MSRB3: variants seen among roughly 807,000 people sequenced by gnomAD.
MSRB3 encodes methionine sulfoxide reductase B3.
Under a neutral mutation model 21.0 loss-of-function variants are expected in MSRB3, and 13 were observed. The observed-to-expected ratio is 0.62, with a 90% CI of 0.40 to 0.98. The LOEUF is 0.98. MSRB3 is among the 50% of genes least tolerant of loss of function. The pLI, the probability that MSRB3 is intolerant of heterozygous loss-of-function variation, is 0.00. For missense variants in MSRB3, 199 were observed against 230.3 expected, an observed-to-expected ratio of 0.86 and a Z score of 0.88; for synonymous variants, 87 against 88.6, an observed-to-expected ratio of 0.98 and a Z score of 0.10.
intron 4 of MSRB3, among the ~76,000 whole-genome samples, chr12:65,356,112 G>A (rs1024745184): frequency 9.2e-5 from 14 of 151,742 alleles, no homozygotes; most frequent in African/African-American, 3.4e-4. Context: ...TATTAGTTTT[G>A]CTTGGGGGCT....
intron 5 of MSRB3, among the ~76,000 whole-genome samples, chr12:65,447,605 C>G (rs1312712853): frequency 1.3e-5 from 2 of 152,058 alleles, no homozygotes; most frequent in Non-Finnish European, 2.9e-5. Flanking sequence ...TGGATATAGA[C>G]ATGTGTAGAA....
intron 1 of MSRB3, chr12:65,306,734 C>A: frequency 1.5e-6 from 1 of 647,590 alleles, no homozygotes; most frequent in Non-Finnish European, 1.9e-6. Context: ...GGAGCCCTGG[C>A]TATTTGGGTA....
At chr12:65,429,442 A>G (rs1353662639) in intron 5 of MSRB3, among the ~76,000 whole-genome samples, 1 of 152,164 alleles carries the variant, frequency 6.6e-6, no homozygotes, top group African/African-American at 2.4e-5. Flanking sequence ...TGGTTGAAGC[A>G]CAAGGGGAAG....
intron 1 of MSRB3, among the ~76,000 whole-genome samples, chr12:65,308,052 A>G (rs1873760630): frequency 6.6e-6 from 1 of 152,196 alleles, no homozygotes; most frequent in Non-Finnish European, 1.5e-5. Context: ...TGCAGTCAGT[A>G]TAGCAGGGTT....
intron 1 of MSRB3, chr12:65,279,416 CG>C (rs1871874941): frequency 6.6e-6 from 1 of 152,100 alleles, no homozygotes; most frequent in Admixed American, 6.5e-5. Context: ...GCGCACCCGC[CG>C]CCCGCCCTCC....
intron 2 of MSRB3, among the ~76,000 whole-genome samples, chr12:65,324,886 G>A (rs781606965): frequency 2.0e-5 from 3 of 152,118 alleles, no homozygotes; most frequent in Non-Finnish European, 4.4e-5. Context: ...AACACAATTG[G>A]TCTTTTTGTA....
At position 65,465,710 on chromosome 12, in the gene MSRB3, C is replaced by T. The variant is rs1883538543; in HGVS notation, c.*2388C>T. The T allele has an allele frequency of 6.6e-6, 1 of 152,166 alleles. No individual in the cohort carries two copies. The highest frequency in any genetic ancestry group is 2.1e-4 in the South Asian group (1 of 4,826). The allele number at this position is 152,166 out of a possible 1,614,324, so 9.4% of individuals were successfully genotyped here. ...GTTCCAAGACATTTCACCCCAGGCC[C>T]TGGGTTCACTCTGGAATTCGTAGGC... is the stretch of plus-strand genomic sequence containing the variant. On this transcript the variant is annotated 3_prime_UTR_variant, in exon 7 of 7. Coordinates refer to ENST00000308259, the MANE Select transcript of MSRB3 (RefSeq NM_001031679.3).
chr12:65,320,850 A>G (rs1874616663), intron 2 of MSRB3, among the ~76,000 whole-genome samples: 1 of 152,020 alleles, frequency 6.6e-6, no homozygotes, highest in South Asian at 2.1e-4. Flanking sequence ...TTGCTTATCT[A>G]TTCATATTCA....
At chr12:65,457,292 A>G (rs1467723129) in intron 6 of MSRB3, among the ~76,000 whole-genome samples, 1 of 152,092 alleles carries the variant, frequency 6.6e-6, no homozygotes, top group Non-Finnish European at 1.5e-5. Context: ...ACATAGGTAT[A>G]CACGTGCCAT....
At chr12:65,451,669 C>T (rs142674365) in intron 5 of MSRB3, among the ~76,000 whole-genome samples, 24 of 152,248 alleles carry the variant, frequency 1.6e-4, no homozygotes, top group Middle Eastern at 3.4e-3. Context: ...AAACCTCTCC[C>T]CCACATAAAG....
chr12:65,316,608 A>G (rs1874316186), intron 2 of MSRB3, among the ~76,000 whole-genome samples: 1 of 152,190 alleles, frequency 6.6e-6, no homozygotes, highest in South Asian at 2.1e-4. Context: ...ACATCATCTT[A>G]TATATCAAAA....
intron 5 of MSRB3, among the ~76,000 whole-genome samples, chr12:65,375,289 C>T (rs936985732): frequency 3.3e-5 from 5 of 152,050 alleles, no homozygotes; most frequent in Admixed American, 6.6e-5. Context: ...GTCTCTCTTT[C>T]GAATAATTTT....
rs1044868471 is a variant in MSRB3 at position 65,466,412 on chromosome 12, G to A, written c.*3090G>A. On this transcript the variant is annotated 3_prime_UTR_variant, in exon 7 of 7. Coordinates refer to ENST00000308259, the MANE Select transcript of MSRB3 (RefSeq NM_001031679.3). ...GAGTGCAATGAACTGAGTCAATATG[G>A]CAAGGTGTATGTGATCTGTGGGAGT... is the stretch of plus-strand genomic sequence containing the variant. The A allele has an allele frequency of 1.3e-5, 2 of 152,164 alleles. No homozygotes were observed. The highest frequency in any genetic ancestry group is 4.8e-5 in the African/African-American group (2 of 41,428). The allele number at this position is 152,164 out of a possible 1,614,324, so 9.4% of individuals were successfully genotyped here.
chr12:65,418,789 G>A, intron 5 of MSRB3: 1 of 963,384 alleles, frequency 1.0e-6, no homozygotes, highest in Non-Finnish European at 1.7e-6. Context: ...CTGGCGGGTG[G>A]TGGTCTTTTG....
At chr12:65,366,627 C>A (rs1314678263) in intron 4 of MSRB3, among the ~76,000 whole-genome samples, 1 of 152,098 alleles carries the variant, frequency 6.6e-6, no homozygotes, top group Non-Finnish European at 1.5e-5. Context: ...ATCTTGATGA[C>A]TAATTAGATA....
At chr12:65,285,377 C>T (rs1417020229) in intron 1 of MSRB3, 1 of 152,058 alleles carries the variant, frequency 6.6e-6, no homozygotes, top group African/African-American at 2.4e-5. Context: ...ATTGGGTTAC[C>T]CAGCTGTGCT....
In MSRB3 at chr12:65,332,631, A is replaced by G. The variant is rs577116773; in HGVS notation, c.263+4028A>G. On this transcript the variant is annotated intron_variant, in intron 4 of 6. Transcript: ENST00000308259. ...GCACATGTACCCCAGAACTTAAAGT[A>G]TAATAAAAAAAAGAAAAGATCATTT... is the stretch of plus-strand genomic sequence containing the variant. 3.7e-3 allele frequency among the ~76,000 whole-genome samples: 557 copies of G among 152,312 alleles called. 2 individuals are homozygous for G. Among genetic ancestry groups the G allele is most frequent in the African/African-American group, 0.013 (531 of 41,556 alleles).
intron 4 of MSRB3, among the ~76,000 whole-genome samples, chr12:65,342,862 A>G (rs1363760450): frequency 6.6e-6 from 1 of 152,084 alleles, no homozygotes; most frequent in Non-Finnish European, 1.5e-5. Flanking sequence ...ATATGATCCC[A>G]TATCTATGAA....
rs1281566137 is a variant in MSRB3, at chr12:65,428,351, T to C, written c.293-25377T>C. ...CACTGTATTGTTGCAAAATCTTAAA[T>C]AGGATCTTGGGGACTCTCTGGGGTT... On this transcript the variant is annotated intron_variant, in intron 5 of 6. Transcript: ENST00000308259. Among the ~76,000 whole-genome samples the C allele has an allele frequency of 2.0e-5, 3 of 152,128 alleles. No individual in the cohort carries two copies. The East Asian group carries it at 5.8e-4, about 29-fold the overall frequency.
Sources: allele counts gnomAD v4.1 joint callset (sites outside exome capture counted in the v4.1 genomes callset), GRCh38; gene constraint gnomAD v4.1.1; transcripts MANE v1.5; gene names NCBI Gene and HGNC (gene_info 2026-07-23, HGNC 2026-07-21).